The following ARHGEF33 variants were observed in gnomAD, a reference collection of about 807,000 sequenced individuals.
ARHGEF33 encodes the protein Rho guanine nucleotide exchange factor 33, also known as DH and coiled-coil domain-containing protein ENSP00000381780.
ARHGEF33 carries 72 observed loss-of-function variants against 101.9 expected under a neutral mutation model. The ratio of observed to expected loss-of-function variants is 0.71; its 90% CI spans 0.58 to 0.86. The LOEUF is 0.86. Among genes scored for constraint, ARHGEF33 ranks in the 40% least tolerant of loss-of-function variants. ARHGEF33 has a pLI of 0.00. For synonymous variants in ARHGEF33, 499 were observed against 442.5 expected (o/e 1.13, Z -1.60); for missense variants, 1,169 against 1,111.3 (o/e 1.05, Z -0.74).
chr2:38,908,315 C>T lies in ARHGEF33; in HGVS notation c.-85-11048C>T, dbSNP rs539780151. ...AGAGGCCATGAGACATTCAGGCTCA[C>T]GAAATCTGGTTCTGACACAGTTAAG... is the stretch of plus-strand genomic sequence containing the variant. On this transcript the variant is annotated intron_variant, in intron 2 of 17. Coordinates refer to ENST00000409978, the MANE Select transcript of ARHGEF33 (RefSeq NM_001145451.5). Among the ~76,000 whole-genome samples, 21 of 152,250 alleles carry T rather than the reference C, an allele frequency of 1.4e-4. No individual in the cohort carries two copies. The East Asian group carries it at 2.9e-3, about 21-fold the overall frequency.
chr2:38,962,297 CCTT>C (rs1173609630), intron 16 of ARHGEF33, among the ~76,000 whole-genome samples: 1 of 152,180 alleles, frequency 6.6e-6, no homozygotes, highest in African/African-American at 2.4e-5. Context: ...ACATACAAAA[CCTT>C]CTAACTAGTA....
chr2:38,933,606 G>GA (rs1400393328), intron 7 of ARHGEF33, among the ~76,000 whole-genome samples: 1 of 152,120 alleles, frequency 6.6e-6, no homozygotes, highest in Non-Finnish European at 1.5e-5. Flanking sequence ...TCAAACTCCT[G>GA]ACCTCAAGTG....
intron 2 of ARHGEF33, among the ~76,000 whole-genome samples, chr2:38,912,793 C>G (rs1026757498): frequency 6.6e-6 from 1 of 152,096 alleles, no homozygotes; most frequent in African/African-American, 2.4e-5. Flanking sequence ...AATTCTGGCT[C>G]TGTATGCCAT....
Position 38,937,427 on chromosome 2 carries a change from T to C in ARHGEF33, c.658T>C (p.Trp220Arg). 1 of 1,529,292 alleles carries C rather than the reference T, an allele frequency of 6.5e-7. No individual in the cohort carries two copies. Among genetic ancestry groups the C allele is most frequent in the East Asian group, 2.6e-5 (1 of 39,050 alleles). 94.7% of individuals were successfully genotyped at this position (1,529,292 alleles called of 1,614,324 possible). Residue 220 changes from tryptophan (W) to arginine (R), a missense_variant, in exon 9 of 18, where the codon TGG (tryptophan) becomes CGG (arginine). Transcript: ENST00000409978. The stretch of plus-strand genomic sequence containing the variant: ...CAAGGGCCATCTCCCATCTGGCATG[T>C]GGAGGCAGCCTAAGGATGGTAAAGA... Reference protein sequence around the residue: ...QSKGHLPSGMWRQPKDGKEWG... With the variant: ...QSKGHLPSGMRRQPKDGKEWG...
At chr2:38,893,984 A>G (rs1666064832) in intron 1 of ARHGEF33, among the ~76,000 whole-genome samples, 2 of 152,182 alleles carry the variant, frequency 1.3e-5, no homozygotes, top group Admixed American at 1.3e-4. Flanking sequence ...ATAAGCAGAA[A>G]GCACACATAG....
chr2:38,935,470 G>A (rs12992790), intron 7 of ARHGEF33, among the ~76,000 whole-genome samples: 1 of 151,980 alleles, frequency 6.6e-6, no homozygotes. Context: ...TCATACCACT[G>A]CCACCACCAT....
At chr2:38,917,836 A>T (rs1666669993) in intron 2 of ARHGEF33, among the ~76,000 whole-genome samples, 1 of 151,910 alleles carries the variant, frequency 6.6e-6, no homozygotes, top group South Asian at 2.1e-4. Context: ...CTCAAAAAAA[A>T]AAAAAAAAAA....
chr2:38,919,363 G>A lies in ARHGEF33; in HGVS notation c.-85G>A. On this transcript the variant is annotated splice_region_variant and 5_prime_UTR_variant, in exon 3 of 18. The change creates a new upstream start codon in the 5' untranslated region. Coordinates refer to ENST00000409978, the MANE Select transcript of ARHGEF33 (RefSeq NM_001145451.5). The stretch of plus-strand genomic sequence containing the variant: ...CCTTACTCTTGATTTGAATTGACAG[G>A]TGCAGGGAAGAGGAGGTGGCCTGAG... 1.5e-6 allele frequency: 2 copies of A among 1,345,464 alleles called. No homozygotes were observed. Among genetic ancestry groups the A allele is most frequent in the Non-Finnish European group, 2.1e-6 (2 of 959,088 alleles). The allele number at this position is 1,345,464 out of a possible 1,614,324, so 83.3% of individuals were successfully genotyped here.
rs112960581 is a variant in ARHGEF33, at chr2:38,937,644, G to A, written c.790+85G>A. On this transcript the variant is annotated intron_variant, in intron 9 of 17. Transcript: ENST00000409978. ...GAACTCAAAGGCGAGAATCCTTGCC[G>A]TTTAGATTCAGTGGACACATGAGGC... 7.1e-3 allele frequency: 5,968 copies of A among 838,292 alleles called. 35 individuals carry two copies. The highest frequency in any genetic ancestry group is 0.033 in the Middle Eastern group (93 of 2,788). 51.9% of individuals were successfully genotyped at this position (838,292 alleles called of 1,614,324 possible).
intron 2 of ARHGEF33, among the ~76,000 whole-genome samples, chr2:38,905,068 A>G (rs138980921): frequency 7.4e-4 from 112 of 152,282 alleles, no homozygotes; most frequent in African/African-American, 2.4e-3. Flanking sequence ...GAGCCTGGAA[A>G]GGTTAAAGAT....
Position 38,960,069 on chromosome 2 carries a change from G to A in ARHGEF33, c.1764G>A (p.Leu588=). 1 of 1,542,296 alleles carries A rather than the reference G, an allele frequency of 6.5e-7. No homozygotes were observed. Among genetic ancestry groups the A allele is most frequent in the Non-Finnish European group, 8.7e-7 (1 of 1,143,490 alleles). ...MDFESSPAEP[L]GNVERSLRAP... is the part of the protein sequence containing the mutation. ...TCGAGTCCTCTCCGGCGGAGCCGCT[G>A]GGCAACGTGGAGCGCTCCCTGCGCG... The change falls in exon 16 of 18, where the codon CTG becomes CTA. Residue 588 remains leucine, a synonymous_variant. Transcript: ENST00000409978.
intron 6 of ARHGEF33, among the ~76,000 whole-genome samples, chr2:38,930,335 T>TTCCTTTTTTCTTTC (rs1347113473): frequency 2.0e-5 from 3 of 151,974 alleles, no homozygotes; most frequent in Admixed American, 6.6e-5. Context: ...GGTTTTCTTT[T>TTCCTTTTTTCTTTC]TCCTTTTTTC....
intron 2 of ARHGEF33, among the ~76,000 whole-genome samples, chr2:38,905,175 C>A (rs1315034767): frequency 6.6e-6 from 1 of 151,062 alleles, no homozygotes; most frequent in East Asian, 1.9e-4. Context: ...CAAGGACATT[C>A]ATTTAGCCGA....
In ARHGEF33 at chr2:38,971,942, C is replaced by G. The variant is rs1372501749; in HGVS notation, c.2484-1772C>G. 7.0e-6 allele frequency: 5 copies of G among 718,526 alleles called. No individual in the cohort carries two copies. In the Admixed American group the frequency reaches 1.0e-4, roughly 14 times the overall value. The allele number at this position is 718,526 out of a possible 1,614,324, so 44.5% of individuals were successfully genotyped here. A position where few individuals can be genotyped will look rare whatever the true frequency, so the allele number is the denominator to read the frequency against. On this transcript the variant is annotated intron_variant, in intron 17 of 17. Coordinates refer to ENST00000409978, the MANE Select transcript of ARHGEF33 (RefSeq NM_001145451.5). ...GGTGACATCAAAGCTTTCCTATTTT[C>G]AGGTAAACACTAAACAGTTGCATGT...
chr2:38,922,209 C>G lies in ARHGEF33; in HGVS notation c.75+786C>G, dbSNP rs151274864. On this transcript the variant is annotated intron_variant, in intron 4 of 17. Coordinates refer to ENST00000409978, the MANE Select transcript of ARHGEF33 (RefSeq NM_001145451.5). ...GGGCTAGGGAAATCCATGCTTCTCT[C>G]CAGACTTCAGGCAGTGCTGTCTGAA... Among the ~76,000 whole-genome samples the G allele has an allele frequency of 2.0e-4, 31 of 152,214 alleles. 1 individual carries two copies. The highest frequency in any genetic ancestry group is 6.0e-4 in the African/African-American group (25 of 41,538).
chr2:38,909,324 A>G (rs922910422), intron 2 of ARHGEF33, among the ~76,000 whole-genome samples: 1 of 151,824 alleles, frequency 6.6e-6, no homozygotes, highest in Admixed American at 6.6e-5. Context: ...TATTTCATTA[A>G]AAAAAATTTT....
At chr2:38,930,572 C>A (rs918665228) in intron 6 of ARHGEF33, among the ~76,000 whole-genome samples, 1 of 152,104 alleles carries the variant, frequency 6.6e-6, no homozygotes, top group Non-Finnish European at 1.5e-5. Flanking sequence ...TCTTGAACTC[C>A]TGGGCTCAAG....
chr2:38,957,219 C>A (rs1240370568), intron 14 of ARHGEF33, among the ~76,000 whole-genome samples, 172 bp downstream of exon 14: 1 of 152,178 alleles, frequency 6.6e-6, no homozygotes, highest in Non-Finnish European at 1.5e-5. Flanking sequence ...AAGACACTGA[C>A]TACCCAGTGG....
intron 16 of ARHGEF33, among the ~76,000 whole-genome samples, chr2:38,961,908 T>C (rs1395063045): frequency 6.6e-6 from 1 of 151,682 alleles, no homozygotes; most frequent in East Asian, 1.9e-4. Flanking sequence ...GAGAAAAGCA[T>C]GGTGATGCCT....
Sources: gnomAD v4.1 joint callset for allele counts (sites outside exome capture counted in the v4.1 genomes callset) on GRCh38, gnomAD v4.1.1 for gene constraint, MANE v1.5 for transcripts, NCBI Gene and HGNC (gene_info 2026-07-23, HGNC 2026-07-21) for gene names.